The following ENO1 variants were observed in gnomAD, a reference collection of about 807,000 sequenced individuals.
The protein encoded by ENO1 is enolase 1, also known as alpha-enolase.
Under a neutral mutation model 46.3 loss-of-function variants are expected in ENO1, and 33 were observed. That is an observed-to-expected ratio of 0.71 (90% CI 0.54 to 0.95). The LOEUF (loss-of-function observed/expected upper bound fraction) is 0.95. Ranked by LOEUF, ENO1 falls within the 40% of genes least tolerant of loss-of-function variation. The pLI, the probability that ENO1 is intolerant of heterozygous loss-of-function variation, is 0.00. For missense variants in ENO1, 488 were observed against 553.3 expected, an observed-to-expected ratio of 0.88 and a Z score of 1.18; for synonymous variants, 220 against 216.0, an observed-to-expected ratio of 1.02 and a Z score of -0.16.
At position 8,861,183 on chromosome 1, in the gene ENO1, C is replaced by T; in HGVS notation, c.*177G>A. Reference sequence around the variant, plus strand: ...AAAGCTAGAGCTGCCAACAGGGCTCCAGGGAGCTTGGCTTCTGTAGAAGTT... The same window carrying T: ...AAAGCTAGAGCTGCCAACAGGGCTCTAGGGAGCTTGGCTTCTGTAGAAGTT... On this transcript the variant is annotated 3_prime_UTR_variant, in exon 12 of 12. Coordinates refer to ENST00000234590, the MANE Select transcript of ENO1 (RefSeq NM_001428.5). 1 of 603,212 alleles carries T rather than the reference C, an allele frequency of 1.7e-6. No homozygotes were observed. The highest frequency in any genetic ancestry group is 2.9e-6 in the Non-Finnish European group (1 of 347,638). The allele number at this position is 603,212 out of a possible 1,614,324, so 37.4% of individuals were successfully genotyped here.
chr1:8,877,116 C>G (rs1431621373), intron 1 of ENO1, among the ~76,000 whole-genome samples: 1 of 152,070 alleles, frequency 6.6e-6, no homozygotes, highest in Non-Finnish European at 1.5e-5. Flanking sequence ...CACCACCACA[C>G]CCGGCTAATT....
In ENO1 at chr1:8,867,987, C is replaced by T. The variant is rs1642558376; in HGVS notation, c.310+1G>A. 1 of 1,613,818 alleles carries T rather than the reference C, an allele frequency of 6.2e-7. No individual in the cohort carries two copies. Among genetic ancestry groups the T allele is most frequent in the African/African-American group, 1.3e-5 (1 of 74,896 alleles). ...TAAAGACGCCACCTCAGGCCACTCA[C>T]ATTTATTTTCTGTTCCATCCATCTC... is the stretch of plus-strand genomic sequence containing the variant. On this transcript the variant is annotated splice_donor_variant, in intron 5 of 11. Coordinates refer to ENST00000234590, the MANE Select transcript of ENO1 (RefSeq NM_001428.5). LOFTEE classifies it high-confidence loss of function.
intron 5 of ENO1, among the ~76,000 whole-genome samples, chr1:8,867,549 A>AG (rs1642546441): frequency 8.8e-6 from 1 of 113,818 alleles, no homozygotes; most frequent in African/African-American, 3.0e-5. Flanking sequence ...ATATTCAAAA[A>AG]AAATTTTTTT....
intron 3 of ENO1, 44 bp downstream of exon 3, chr1:8,871,847 G>A: frequency 6.3e-7 from 1 of 1,595,806 alleles, no homozygotes; most frequent in Admixed American, 1.7e-5. Flanking sequence ...CCAGGAATGG[G>A]GCTGGAAGCA....
chr1:8,870,817 T>C (rs570545081), intron 3 of ENO1: 1 of 1,376,226 alleles, frequency 7.3e-7, no homozygotes, highest in East Asian at 2.5e-5. Flanking sequence ...GGCTGTTCAA[T>C]CAGTTACCTG....
intron 6 of ENO1, 174 bp from the exon 7 acceptor site, chr1:8,866,675 T>C (rs1642526337): frequency 6.0e-6 from 4 of 664,746 alleles, no homozygotes; most frequent in Admixed American, 2.9e-5. Context: ...CTCTGACTCA[T>C]GTTTTTAGAG....
chr1:8,869,718 C>A (rs936421119), intron 4 of ENO1, among the ~76,000 whole-genome samples: 1 of 152,194 alleles, frequency 6.6e-6, no homozygotes, highest in African/African-American at 2.4e-5. Flanking sequence ...CACCACCATG[C>A]CCGGCCAATT....
chr1:8,866,559 T>C (rs1435166100), intron 6 of ENO1, 58 bp from the exon 7 acceptor site: 1 of 1,573,322 alleles, frequency 6.4e-7, no homozygotes, highest in Non-Finnish European at 8.7e-7. Context: ...CACAGGGCAG[T>C]AAGCCCCTCT....
chr1:8,872,030 G>A (rs1466097110), intron 2 of ENO1, 44 bp from the exon 3 acceptor site: 2 of 1,555,792 alleles, frequency 1.3e-6, no homozygotes, highest in African/African-American at 2.7e-5. Context: ...CAGAAATCCA[G>A]TTCCAGCACA....
intron 9 of ENO1, 63 bp downstream of exon 9, chr1:8,863,828 G>A (rs1642454107): frequency 5.8e-6 from 9 of 1,563,834 alleles, no homozygotes; most frequent in Non-Finnish European, 7.9e-6. Flanking sequence ...CAGAACAAAA[G>A]GGCCCTTTTC....
chr1:8,876,116 T>C (rs888594753), intron 1 of ENO1: 1 of 152,194 alleles, frequency 6.6e-6, no homozygotes, highest in African/African-American at 2.4e-5. Context: ...CTTTTTTCCT[T>C]GGCGCTCTCC....
At chr1:8,868,673 T>C (rs547709740) in intron 4 of ENO1, among the ~76,000 whole-genome samples, 1 of 152,266 alleles carries the variant, frequency 6.6e-6, no homozygotes, top group South Asian at 2.1e-4. Flanking sequence ...AAAATCAGTA[T>C]TACTTTTTAA....
intron 2 of ENO1, 38 bp downstream of exon 2, chr1:8,874,786 G>T: frequency 6.4e-7 from 1 of 1,572,526 alleles, no homozygotes; most frequent in Non-Finnish European, 8.7e-7. Context: ...ATGAAGCACG[G>T]TGGAAGGAAC....
At chr1:8,865,638 G>A (rs1642495800) in intron 7 of ENO1, among the ~76,000 whole-genome samples, 156 bp from the exon 8 acceptor site, 1 of 152,102 alleles carries the variant, frequency 6.6e-6, no homozygotes, top group Admixed American at 6.6e-5. Context: ...TCTGCTTTGG[G>A]GCAAGAAACC....
chr1:8,872,472 TC>T (rs1642654120), intron 2 of ENO1, among the ~76,000 whole-genome samples: 1 of 151,824 alleles, frequency 6.6e-6, no homozygotes, highest in Non-Finnish European at 1.5e-5. Flanking sequence ...AATCTCCACC[TC>T]CTGGGTTCAA....
At chr1:8,877,133 A>G (rs1642752013) in intron 1 of ENO1, among the ~76,000 whole-genome samples, 1 of 151,770 alleles carries the variant, frequency 6.6e-6, no homozygotes, top group South Asian at 2.1e-4. Context: ...AATTTTTTGT[A>G]TTTTTAGTAG....
At chr1:8,865,968 C>T (rs886728037) in intron 7 of ENO1, 5 of 344,260 alleles carry the variant, frequency 1.5e-5, no homozygotes, top group South Asian at 6.4e-5. Context: ...GACGGACAGA[C>T]ACTTGGCTCC....
chr1:8,870,428 T>C (rs1475930089), intron 4 of ENO1, 24 bp downstream of exon 4: 1 of 1,614,144 alleles, frequency 6.2e-7, no homozygotes, highest in East Asian at 2.2e-5. Context: ...TTAGACACAT[T>C]AGTTATCAGG....
rs1642703844 is a variant in ENO1 at position 8,874,852 on chromosome 1, A to T, written c.57T>A (p.Thr19=). 1 of 1,613,880 alleles carries T rather than the reference A, an allele frequency of 6.2e-7. No individual in the cohort carries two copies. Among genetic ancestry groups the T allele is most frequent in the East Asian group, 2.2e-5 (1 of 44,860 alleles). The change falls in exon 2 of 12, where the codon ACT becomes ACA. Residue 19 remains threonine (T), a synonymous_variant. Coordinates refer to ENST00000234590, the MANE Select transcript of ENO1 (RefSeq NM_001428.5). ...TTGAGGTGAAGAGATCAACCTCAAC[A>T]GTGGGATTCCCGCGAGAGTCAAAGA... ...REIFDSRGNP[T]VEVDLFTSKG...
Sources: allele counts gnomAD v4.1 joint callset (sites outside exome capture counted in the v4.1 genomes callset), GRCh38; gene constraint gnomAD v4.1.1; transcripts MANE v1.5; gene names NCBI Gene and HGNC (gene_info 2026-07-23, HGNC 2026-07-21).